Variants in NLGN1 observed in about 807,000 individuals in gnomAD.
NLGN1 encodes neuroligin 1, also known as neuroligin-1.
A neutral mutation model predicts 65.5 loss-of-function variants in NLGN1; 12 were observed. The ratio of observed to expected loss-of-function variants is 0.18; its 90% CI spans 0.12 to 0.30. NLGN1 has a LOEUF of 0.30. Among genes scored for constraint, NLGN1 ranks in the 10% least tolerant of loss-of-function variants. The pLI, the probability that NLGN1 is intolerant of heterozygous loss-of-function variation, is 1.00. For missense variants in NLGN1, 750 were observed against 1,007.1 expected, an observed-to-expected ratio of 0.74 and a Z score of 3.46; for synonymous variants, 350 against 359.5, an observed-to-expected ratio of 0.97 and a Z score of 0.30.
chr3:173,767,486 GTAA>G (rs923397681), intron 3 of NLGN1, among the ~76,000 whole-genome samples: 2 of 151,780 alleles, frequency 1.3e-5, no homozygotes, highest in African/African-American at 2.4e-5. Flanking sequence ...TCACCAGACA[GTAA>G]TAATAATAAT....
intron 3 of NLGN1, among the ~76,000 whole-genome samples, chr3:173,790,564 G>C (rs1712481241): frequency 6.6e-6 from 1 of 152,108 alleles, no homozygotes; most frequent in Non-Finnish European, 1.5e-5. Flanking sequence ...ACTAATAATA[G>C]AGAGGATAAG....
intron 3 of NLGN1, among the ~76,000 whole-genome samples, chr3:173,629,931 A>G (rs537941880): frequency 9.8e-5 from 15 of 152,322 alleles, no homozygotes; most frequent in Non-Finnish European, 1.8e-4. Context: ...TTTAAAAAAG[A>G]TAGTGTATGC....
At chr3:174,041,866 C>T (rs559676515) in intron 4 of NLGN1, among the ~76,000 whole-genome samples, 1 of 152,210 alleles carries the variant, frequency 6.6e-6, no homozygotes, top group East Asian at 1.9e-4. Context: ...CCAGCCTGAC[C>T]AACATGGTGA....
At chr3:173,623,500 A>G (rs1754343118) in intron 3 of NLGN1, among the ~76,000 whole-genome samples, 1 of 152,108 alleles carries the variant, frequency 6.6e-6, no homozygotes, top group African/African-American at 2.4e-5. Flanking sequence ...TTGACAGGTC[A>G]CTATGGAAGG....
rs74824773 is a variant in NLGN1 at position 173,573,023 on chromosome 3, C to T, written c.-320-31256C>T. Among the ~76,000 whole-genome samples the T allele has an allele frequency of 4.3e-3, 654 of 152,282 alleles. 6 individuals carry two copies. The highest frequency in any genetic ancestry group is 0.015 in the African/African-American group (612 of 41,550). On this transcript the variant is annotated intron_variant, in intron 2 of 6. Transcript: ENST00000457714. ...AGCATCCCATCACTACAAGGTGATG[C>T]TCTCTTTTTTAGAAGAACCCCTCAA...
At chr3:174,183,740 C>CA (rs775652493) in intron 4 of NLGN1, among the ~76,000 whole-genome samples, 14 of 152,236 alleles carry the variant, frequency 9.2e-5, no homozygotes, top group Non-Finnish European at 1.6e-4. Flanking sequence ...AAAGTCCAAC[C>CA]AAATTTTAGC....
intron 2 of NLGN1, among the ~76,000 whole-genome samples, chr3:173,510,074 C>G (rs1732683562): frequency 6.6e-6 from 1 of 152,138 alleles, no homozygotes; most frequent in Non-Finnish European, 1.5e-5. Context: ...GAACAATGTA[C>G]AGGATAAATT....
At chr3:173,828,073 C>T (rs896164436) in intron 4 of NLGN1, among the ~76,000 whole-genome samples, 8 of 152,180 alleles carry the variant, frequency 5.3e-5, no homozygotes, top group South Asian at 2.1e-4. Context: ...ACCATTACTC[C>T]ATATTAATAT....
chr3:173,574,062 C>CAAAAAA (rs1192427397), intron 2 of NLGN1, among the ~76,000 whole-genome samples: 347 of 47,166 alleles, frequency 7.4e-3, no homozygotes, highest in Middle Eastern at 0.048. Flanking sequence ...GACTCCACCT[C>CAAAAAA]AAAAAAAAAA....
intron 4 of NLGN1, among the ~76,000 whole-genome samples, chr3:173,849,408 A>G (rs1348361902): frequency 6.6e-6 from 1 of 152,146 alleles, no homozygotes; most frequent in Non-Finnish European, 1.5e-5. Context: ...TCTGTCAGTC[A>G]TGTAAAAATC....
At chr3:173,624,965 T>C (rs539134033) in intron 3 of NLGN1, among the ~76,000 whole-genome samples, 1 of 152,092 alleles carries the variant, frequency 6.6e-6, no homozygotes, top group Admixed American at 6.6e-5. Context: ...TAGTTGACAG[T>C]GATTTCATCC....
At chr3:173,575,609 C>G (rs1177729472) in intron 2 of NLGN1, among the ~76,000 whole-genome samples, 1 of 152,144 alleles carries the variant, frequency 6.6e-6, no homozygotes, top group East Asian at 1.9e-4. Context: ...ATAGTTGGCT[C>G]CAAGCAATCT....
At chr3:173,536,007 C>T (rs1047458848) in intron 2 of NLGN1, among the ~76,000 whole-genome samples, 42 of 152,176 alleles carry the variant, frequency 2.8e-4, no homozygotes, top group African/African-American at 9.4e-4. Flanking sequence ...CACAGCAAAG[C>T]ACAGCATCAG....
chr3:173,779,381 A>T (rs946338951), intron 3 of NLGN1, among the ~76,000 whole-genome samples: 5 of 152,044 alleles, frequency 3.3e-5, no homozygotes, highest in Non-Finnish European at 7.4e-5. Flanking sequence ...GATAACTGTG[A>T]ATATATGAGT....
intron 4 of NLGN1, among the ~76,000 whole-genome samples, chr3:174,272,661 G>GATAGATAGATA (rs1561444849): frequency 8.5e-4 from 90 of 105,530 alleles, no homozygotes; most frequent in East Asian, 1.7e-3. Context: ...ATGGATGGAT[G>GATAGATAGATA]GATGGATAGA....
intron 2 of NLGN1, among the ~76,000 whole-genome samples, chr3:173,447,734 A>C (rs1172915122): frequency 6.6e-6 from 1 of 151,962 alleles, no homozygotes; most frequent in African/African-American, 2.4e-5. Flanking sequence ...CTTTTATTTT[A>C]TTGAGCAGTG....
intron 4 of NLGN1, among the ~76,000 whole-genome samples, chr3:173,967,957 G>C (rs762339940): frequency 1.8e-4 from 28 of 152,124 alleles, no homozygotes; most frequent in Non-Finnish European, 3.8e-4. Flanking sequence ...AAGCAAACTG[G>C]ATTTCAGGGC....
At chr3:174,135,168 T>G (rs552651371) in intron 4 of NLGN1, among the ~76,000 whole-genome samples, 1 of 152,304 alleles carries the variant, frequency 6.6e-6, no homozygotes. Context: ...AATTAACCAT[T>G]ATTGAGGCAA....
intron 4 of NLGN1, among the ~76,000 whole-genome samples, chr3:173,896,516 A>G (rs1280564763): frequency 6.6e-6 from 1 of 152,170 alleles, no homozygotes; most frequent in African/African-American, 2.4e-5. Flanking sequence ...TGAGTTCTTC[A>G]TGCCCTGGGA....
Sources: gnomAD v4.1 joint callset for allele counts (sites outside exome capture counted in the v4.1 genomes callset) on GRCh38, gnomAD v4.1.1 for gene constraint, MANE v1.5 for transcripts, NCBI Gene and HGNC (gene_info 2026-07-23, HGNC 2026-07-21) for gene names.